CTNNA2: variants seen among roughly 807,000 people sequenced by gnomAD.
The protein encoded by CTNNA2 is catenin alpha-2.
CTNNA2 carries 42 observed loss-of-function variants against 101.0 expected under a neutral mutation model. That is an observed-to-expected ratio of 0.42 (90% CI 0.32 to 0.54). The LOEUF is 0.54. Among genes scored for constraint, CTNNA2 ranks in the 20% least tolerant of loss-of-function variants. The pLI is 0.14. For synonymous variants in CTNNA2, 450 were observed against 456.4 expected (o/e 0.99, Z 0.18); for missense variants, 871 against 1,223.1 (o/e 0.71, Z 4.29).
intron 18 of CTNNA2, among the ~76,000 whole-genome samples, chr2:80,639,425 G>A (rs538561812): frequency 6.6e-6 from 1 of 152,036 alleles, no homozygotes; most frequent in Admixed American, 6.5e-5. Flanking sequence ...GGCCAGACTG[G>A]TCTCGATCTC....
intron 2 of CTNNA2, chr2:79,697,889 A>T (rs548151256): frequency 6.6e-6 from 1 of 152,184 alleles, no homozygotes; most frequent in African/African-American, 2.4e-5. Flanking sequence ...TGGTTGAAAC[A>T]GTCTGCCCCA....
At chr2:80,434,422 C>T (rs924153940) in intron 9 of CTNNA2, among the ~76,000 whole-genome samples, 20 of 150,750 alleles carry the variant, frequency 1.3e-4, no homozygotes, top group African/African-American at 4.9e-4. Flanking sequence ...ATCATGACTT[C>T]GAAGGAGCTG....
chr2:79,340,726 G>A (rs564734468), intron 3 of CTNNA2, among the ~76,000 whole-genome samples: 1 of 151,458 alleles, frequency 6.6e-6, no homozygotes, highest in South Asian at 2.1e-4. Context: ...CCCAGCTACT[G>A]GGGAGGCTGA....
chr2:79,402,624 T>A (rs190780566), intron 4 of CTNNA2, among the ~76,000 whole-genome samples: 1 of 151,718 alleles, frequency 6.6e-6, no homozygotes, highest in African/African-American at 2.4e-5. Flanking sequence ...CTAAATATCA[T>A]ACTGCATCAT....
chr2:80,628,516 TG>T (rs1671933525), intron 18 of CTNNA2, among the ~76,000 whole-genome samples: 1 of 151,582 alleles, frequency 6.6e-6, no homozygotes, highest in Non-Finnish European at 1.5e-5. Context: ...TTGGGAAAAC[TG>T]GCTAACCATA....
chr2:79,837,257 G>A (rs1047977840), intron 3 of CTNNA2, among the ~76,000 whole-genome samples: 3 of 152,196 alleles, frequency 2.0e-5, no homozygotes. Flanking sequence ...TAATGTTTGA[G>A]GGCAGGAAGC....
Position 80,023,046 on chromosome 2 carries a change from T to A in CTNNA2, c.1056+113249T>A, listed in dbSNP as rs1694680825. The stretch of plus-strand genomic sequence containing the variant: ...AATGACAGCTTGTCCATGCTCCAAA[T>A]AACTATATTATAGAAAATATGGTAA... On this transcript the variant is annotated intron_variant, in intron 7 of 18. Coordinates refer to ENST00000402739, the MANE Select transcript of CTNNA2 (RefSeq NM_001282597.3). Among the ~76,000 whole-genome samples the A allele has an allele frequency of 2.0e-5, 3 of 152,198 alleles. No homozygotes were observed. In the South Asian group the frequency reaches 6.2e-4, roughly 32 times the overall value.
At chr2:79,845,463 G>C (rs548978170) in intron 3 of CTNNA2, among the ~76,000 whole-genome samples, 1 of 151,988 alleles carries the variant, frequency 6.6e-6, no homozygotes, top group East Asian at 1.9e-4. Flanking sequence ...TCAATGGTGC[G>C]CACTAAGAGA....
intron 9 of CTNNA2, 135 bp from the exon 10 acceptor site, chr2:80,544,847 G>C (rs767542153): frequency 5.8e-6 from 4 of 688,052 alleles, no homozygotes; most frequent in African/African-American, 1.8e-5. Context: ...TCTACATGAA[G>C]GCCAGGGTAC....
chr2:79,319,510 A>C (rs1676568865), intron 3 of CTNNA2, among the ~76,000 whole-genome samples: 1 of 152,096 alleles, frequency 6.6e-6, no homozygotes, highest in South Asian at 2.1e-4. Context: ...CTTCATCCAC[A>C]GCAACCTCCT....
chr2:79,806,986 G>A (rs182328643), intron 3 of CTNNA2, among the ~76,000 whole-genome samples: 10 of 151,774 alleles, frequency 6.6e-5, no homozygotes, highest in South Asian at 2.1e-4. Flanking sequence ...TTCCTCCAAC[G>A]CCCCTGTTTC....
Position 80,619,195 on chromosome 2 carries a change from T to C in CTNNA2, c.2541T>C (p.Ala847=). 6.3e-7 allele frequency: 1 copy of C among 1,586,418 alleles called. No individual in the cohort carries two copies. The highest frequency in any genetic ancestry group is 8.6e-7 in the Non-Finnish European group (1 of 1,166,164). ...ACCTCCCAACCTGTGCTGAGGGAGC[T>C]CCGATCGGGAGTGGAAGCAGTGATT... ...STHLPTCAEG[A]PIGSGSSDSS... is the part of the protein sequence containing the mutation. The change falls in exon 18 of 19, where the codon GCT becomes GCC. Residue 847 remains alanine (A), a synonymous_variant. Coordinates refer to ENST00000402739, the MANE Select transcript of CTNNA2 (RefSeq NM_001282597.3).
At position 80,148,594 on chromosome 2, in the gene CTNNA2, G is replaced by A. The variant is rs533106269; in HGVS notation, c.1056+238797G>A. Among the ~76,000 whole-genome samples the A allele has an allele frequency of 2.6e-5, 4 of 152,298 alleles. No homozygotes were observed. In the South Asian group the frequency reaches 8.3e-4, roughly 32 times the overall value. On this transcript the variant is annotated intron_variant, in intron 7 of 18. Coordinates refer to ENST00000402739, the MANE Select transcript of CTNNA2 (RefSeq NM_001282597.3). Reference sequence around the variant, plus strand: ...CCAAGGCCACCTGTCCCAGCTGCAGGCCTTTATTTTAAGAGATTTGATTCT... The same window carrying A: ...CCAAGGCCACCTGTCCCAGCTGCAGACCTTTATTTTAAGAGATTTGATTCT...
intron 7 of CTNNA2, among the ~76,000 whole-genome samples, chr2:80,247,296 A>G (rs1671400417): frequency 6.6e-6 from 1 of 152,090 alleles, no homozygotes; most frequent in Non-Finnish European, 1.5e-5. Context: ...TGCCAATAGC[A>G]CTCATAATAA....
At chr2:80,451,913 A>T (rs560816773) in intron 9 of CTNNA2, among the ~76,000 whole-genome samples, 1 of 152,310 alleles carries the variant, frequency 6.6e-6, no homozygotes, top group South Asian at 2.1e-4. Context: ...AGCATATACT[A>T]GAATAGGTTT....
chr2:79,312,930 G>T (rs753403985), intron 3 of CTNNA2: 1 of 151,974 alleles, frequency 6.6e-6, no homozygotes. Context: ...GCTGCTTAAC[G>T]CCCCGTATAC....
chr2:79,325,776 T>C (rs959125208), intron 3 of CTNNA2, among the ~76,000 whole-genome samples: 1 of 152,210 alleles, frequency 6.6e-6, no homozygotes, highest in Non-Finnish European at 1.5e-5. Flanking sequence ...ACAACACTTA[T>C]CATACTGCTG....
chr2:80,601,416 TC>T (rs1697503307), intron 15 of CTNNA2, among the ~76,000 whole-genome samples: 4 of 127,274 alleles, frequency 3.1e-5, no homozygotes, highest in African/African-American at 1.3e-4. Flanking sequence ...TTTCTTTCTT[TC>T]TTTCTTTTTT....
At chr2:79,399,156 A>G (rs1266576880) in intron 4 of CTNNA2, among the ~76,000 whole-genome samples, 3 of 152,176 alleles carry the variant, frequency 2.0e-5, no homozygotes, top group Non-Finnish European at 2.9e-5. Context: ...AAAAATAAAT[A>G]ATGACAACTG....
Sources: gnomAD v4.1 joint callset for allele counts (sites outside exome capture counted in the v4.1 genomes callset) on GRCh38, gnomAD v4.1.1 for gene constraint, MANE v1.5 for transcripts, NCBI Gene and HGNC (gene_info 2026-07-23, HGNC 2026-07-21) for gene names.